TRIM42: variants seen among roughly 807,000 people sequenced by gnomAD.
TRIM42 encodes tripartite motif containing 42.
TRIM42 carries 59 observed loss-of-function variants against 64.9 expected under a neutral mutation model. The observed-to-expected ratio is 0.91, with a 90% CI of 0.74 to 1.13. The LOEUF (loss-of-function observed/expected upper bound fraction) is 1.13, where lower values mean the gene tolerates loss of function less well. Ranked by LOEUF, TRIM42 falls within the 50% of genes most tolerant of loss-of-function variation. The pLI is 0.00. For synonymous variants in TRIM42, 354 were observed against 346.3 expected, an observed-to-expected ratio of 1.02 and a Z score of -0.25; for missense variants, 878 against 929.5, an observed-to-expected ratio of 0.94 and a Z score of 0.72.
chr3:140,679,291 T>C (rs1049317174), intron 1 of TRIM42, among the ~76,000 whole-genome samples: 1 of 152,114 alleles, frequency 6.6e-6, no homozygotes, highest in African/African-American at 2.4e-5. Context: ...GTACTTAGGG[T>C]CTCAATTATT....
intron 4 of TRIM42, among the ~76,000 whole-genome samples, chr3:140,691,739 G>C (rs1189356634): frequency 6.6e-6 from 1 of 152,138 alleles, no homozygotes; most frequent in Non-Finnish European, 1.5e-5. Context: ...GCAGGTCAGT[G>C]TGCCTTCCAA....
Position 140,682,536 on chromosome 3 carries a change from A to C in TRIM42, c.416A>C (p.His139Pro), listed in dbSNP as rs1988427279. The change falls in exon 2 of 5, where the codon CAC becomes CCC. Residue 139 changes from histidine (H) to proline (P), a missense_variant. Physicochemically the swap from His to Pro is moderately conservative, Grantham distance 77. Coordinates refer to ENST00000286349, the MANE Select transcript of TRIM42 (RefSeq NM_152616.5). The part of the protein sequence containing the change: ...DEVKSIPANS[H>P]LVNHLNCPMC... ...GTAAAGTCAATACCAGCCAACAGTC[A>C]CCTGGTGAACCACCTCAATTGCCCC... 6 of 1,614,222 alleles carry C rather than the reference A, an allele frequency of 3.7e-6. No individual in the cohort carries two copies. In the East Asian group the frequency reaches 1.3e-4, roughly 36 times the overall value.
chr3:140,688,527 C>T lies in TRIM42; in HGVS notation c.1845C>T (p.Tyr615=), dbSNP rs1988623745. Residue 615 remains tyrosine (Y), a synonymous_variant, in exon 3 of 5, where the codon TAC becomes TAT. Coordinates refer to ENST00000286349, the MANE Select transcript of TRIM42 (RefSeq NM_152616.5). ...GPIVIYQTLV[Y]PRAAKVYWTC... The stretch of plus-strand genomic sequence containing the variant: ...TTGTTATCTACCAGACTCTGGTGTA[C>T]CCAAGAGCTGCCAAGGTAAGAAAGG... 6.2e-7 allele frequency: 1 copy of T among 1,608,472 alleles called. No homozygotes were observed. Among genetic ancestry groups the T allele is most frequent in the Non-Finnish European group, 8.5e-7 (1 of 1,176,888 alleles).
At chr3:140,697,808 C>T (rs1038548109) in intron 4 of TRIM42, among the ~76,000 whole-genome samples, 3 of 152,178 alleles carry the variant, frequency 2.0e-5, no homozygotes, top group Non-Finnish European at 2.9e-5. Context: ...CTCAGCCTCC[C>T]TAGTAGCTGG....
At chr3:140,695,628 C>T (rs1220017215) in intron 4 of TRIM42, among the ~76,000 whole-genome samples, 1 of 152,136 alleles carries the variant, frequency 6.6e-6, no homozygotes, top group Non-Finnish European at 1.5e-5. Context: ...TCTTCCTATT[C>T]GGCCTGTGCT....
chr3:140,682,570 C>A lies in TRIM42; in HGVS notation c.450C>A (p.Ser150Arg). 1 of 1,614,260 alleles carries A rather than the reference C, an allele frequency of 6.2e-7. No individual in the cohort carries two copies. Among genetic ancestry groups the A allele is most frequent in the South Asian group, 1.1e-5 (1 of 91,084 alleles). The change falls in exon 2 of 5, where the codon AGC becomes AGA. Residue 150 changes from serine to arginine, a missense_variant. Physicochemically the swap from Ser to Arg is moderately radical, Grantham distance 110 (BLOSUM62 -1). Coordinates refer to ENST00000286349, the MANE Select transcript of TRIM42 (RefSeq NM_152616.5). Reference protein sequence around the residue: ...LVNHLNCPMCSRLRLHSFMLP... With the variant: ...LVNHLNCPMCRRLRLHSFMLP... ...ACCACCTCAATTGCCCCATGTGCAG[C>A]CGGCTGCGCCTGCACTCATTCATGC...
chr3:140,693,507 T>C (rs1988774367), intron 4 of TRIM42, among the ~76,000 whole-genome samples: 1 of 152,238 alleles, frequency 6.6e-6, no homozygotes, highest in South Asian at 2.1e-4. Flanking sequence ...TTTGTCATGA[T>C]TTGCATAAGT....
chr3:140,685,303 T>C lies in TRIM42; in HGVS notation c.1039+2144T>C, dbSNP rs201486641. On this transcript the variant is annotated intron_variant, in intron 2 of 4. Transcript: ENST00000286349. ...GCTTTACTAAAAACTGATGCCCCTG[T>C]CCCATCCACATAGAGGTGCAGGCTC... Among the ~76,000 whole-genome samples the C allele has an allele frequency of 5.4e-3, 815 of 152,278 alleles. 9 individuals are homozygous for C. The highest frequency in any genetic ancestry group is 0.019 in the African/African-American group (774 of 41,538).
intron 4 of TRIM42, among the ~76,000 whole-genome samples, chr3:140,697,307 T>G (rs72977039): frequency 0.034 from 5,122 of 152,284 alleles, 278 homozygotes; most frequent in African/African-American, 0.12. Context: ...TTGTTCATAG[T>G]GTACTTCATA....
chr3:140,689,411 A>G (rs1046872341), intron 3 of TRIM42, among the ~76,000 whole-genome samples: 1 of 152,132 alleles, frequency 6.6e-6, no homozygotes, highest in Non-Finnish European at 1.5e-5. Context: ...AACACTCCCA[A>G]AGACTTTCAG....
In TRIM42 at chr3:140,682,838, G is replaced by C; in HGVS notation, c.718G>C (p.Val240Leu). The C allele has an allele frequency of 6.2e-7, 1 of 1,614,150 alleles. No individual in the cohort carries two copies. Among genetic ancestry groups the C allele is most frequent in the Non-Finnish European group, 8.5e-7 (1 of 1,180,034 alleles). Residue 240 changes from valine to leucine, a missense_variant, in exon 2 of 5, where the codon GTC (valine) becomes CTC (leucine). Transcript: ENST00000286349. The part of the protein sequence containing the change: ...DRSSGPILCQ[V>L]CRNKRIAYKR... ...CTCCTCCGGGCCCATCCTCTGCCAG[G>C]TCTGCCGCAACAAGCGCATCGCTTA...
chr3:140,701,061 A>G lies in TRIM42; in HGVS notation c.*87A>G. ...TATGTATGTATATTTTTCTCACCACATTCTTCAAGGAGGTTGTAGACAAAT... is the reference window on the plus strand; with the variant it reads ...TATGTATGTATATTTTTCTCACCACGTTCTTCAAGGAGGTTGTAGACAAAT... On this transcript the variant is annotated 3_prime_UTR_variant, in exon 5 of 5. Coordinates refer to ENST00000286349, the MANE Select transcript of TRIM42 (RefSeq NM_152616.5). The G allele has an allele frequency of 8.6e-7, 1 of 1,169,576 alleles. No individual in the cohort carries two copies. Among genetic ancestry groups the G allele is most frequent in the South Asian group, 1.5e-5 (1 of 65,020 alleles). 72.4% of individuals were successfully genotyped at this position (1,169,576 alleles called of 1,614,324 possible). A position where few individuals can be genotyped will look rare whatever the true frequency, so the allele number is the denominator to read the frequency against.
chr3:140,688,000 G>A lies in TRIM42; in HGVS notation c.1318G>A (p.Val440Met). Reference protein sequence around the residue: ...SKEALKETGQVAFLQSAKILV... With the variant: ...SKEALKETGQMAFLQSAKILV... ...GGAAGCCCTGAAGGAGACTGGCCAG[G>A]TGGCATTCCTGCAGTCAGCCAAGAT... The change falls in exon 3 of 5, where the codon GTG becomes ATG. Residue 440 changes from valine to methionine, a missense_variant. Coordinates refer to ENST00000286349, the MANE Select transcript of TRIM42 (RefSeq NM_152616.5). 1 of 1,614,192 alleles carries A rather than the reference G, an allele frequency of 6.2e-7. No homozygotes were observed. Among genetic ancestry groups the A allele is most frequent in the Non-Finnish European group, 8.5e-7 (1 of 1,180,028 alleles).
intron 4 of TRIM42, among the ~76,000 whole-genome samples, chr3:140,692,346 T>G (rs1254312878): frequency 6.6e-6 from 1 of 151,972 alleles, no homozygotes; most frequent in African/African-American, 2.4e-5. Context: ...CTTAGTAAAA[T>G]GTTCGAGGAA....
intron 4 of TRIM42, among the ~76,000 whole-genome samples, chr3:140,700,235 C>T (rs1988963155): frequency 7.9e-5 from 12 of 152,130 alleles, no homozygotes; most frequent in Admixed American, 7.9e-4. Flanking sequence ...TCTTACCCCT[C>T]GTGCCCAGTA....
Position 140,682,859 on chromosome 3 carries a change from G to A in TRIM42, c.739G>A (p.Ala247Thr), listed in dbSNP as rs374548280. The change falls in exon 2 of 5, where the codon GCT becomes ACT. Residue 247 changes from alanine to threonine, a missense_variant. Transcript: ENST00000286349. ...LCQVCRNKRI[A>T]YKRCITCRLN... ...CCAGGTCTGCCGCAACAAGCGCATC[G>A]CTTACAAGCGCTGCATCACCTGCCG... 1.9e-5 allele frequency: 30 copies of A among 1,614,034 alleles called. No individual in the cohort carries two copies. In the African/African-American group the frequency reaches 3.6e-4, roughly 19 times the overall value.
chr3:140,701,024 TAC>T lies in TRIM42; in HGVS notation c.*58_*59del. ...TCAGACTCATCACAAAGTAGACATA[TAC>T]ACACACATATATGTATGTATATTTT... On this transcript the variant is annotated 3_prime_UTR_variant, in exon 5 of 5. Transcript: ENST00000286349. 1 of 1,497,456 alleles carries T rather than the reference TAC, an allele frequency of 6.7e-7. No homozygotes were observed. The highest frequency in any genetic ancestry group is 9.3e-7 in the Non-Finnish European group (1 of 1,079,106). 92.8% of individuals were successfully genotyped at this position (1,497,456 alleles called of 1,614,324 possible). A position where few individuals can be genotyped will look rare whatever the true frequency, so the allele number is the denominator to read the frequency against.
chr3:140,683,358 C>T lies in TRIM42; in HGVS notation c.1039+199C>T, dbSNP rs562669163. On this transcript the variant is annotated intron_variant, in intron 2 of 4. Transcript: ENST00000286349. The stretch of plus-strand genomic sequence containing the variant: ...GCAACCACCACCAGCCACTTAACTT[C>T]CCCGTGCCTTGCTTTTCTCACCTAT... 2.0e-4 allele frequency among the ~76,000 whole-genome samples: 31 copies of T among 152,290 alleles called. No individual in the cohort carries two copies. The South Asian group carries it at 5.8e-3, about 29-fold the overall frequency.
At chr3:140,690,396 T>A (rs1371449013) in intron 3 of TRIM42, among the ~76,000 whole-genome samples, 1 of 151,690 alleles carries the variant, frequency 6.6e-6, no homozygotes, top group Non-Finnish European at 1.5e-5. Flanking sequence ...ACATAAATGT[T>A]CAACAATAGA....
Sources: allele counts gnomAD v4.1 joint callset (sites outside exome capture counted in the v4.1 genomes callset), GRCh38; gene constraint gnomAD v4.1.1; transcripts MANE v1.5; gene names NCBI Gene and HGNC (gene_info 2026-07-23, HGNC 2026-07-21).